The following KIF13B variants were observed in gnomAD, a reference collection of about 807,000 sequenced individuals.
KIF13B encodes the protein kinesin-like protein KIF13B.
Under a neutral mutation model 222.0 loss-of-function variants are expected in KIF13B, and 127 were observed. The ratio of observed to expected loss-of-function variants is 0.57; its 90% CI spans 0.50 to 0.66. The LOEUF is 0.66. Among genes scored for constraint, KIF13B ranks in the 30% least tolerant of loss-of-function variants. The pLI is 0.00. For synonymous variants in KIF13B, 976 were observed against 919.0 expected (o/e 1.06, Z -1.12); for missense variants, 2,173 against 2,379.0 (o/e 0.91, Z 1.80).
At chr8:29,184,606 T>C (rs886206636) in intron 6 of KIF13B, among the ~76,000 whole-genome samples, 4 of 152,238 alleles carry the variant, frequency 2.6e-5, no homozygotes, top group African/African-American at 9.6e-5. Flanking sequence ...AATTCACTGT[T>C]AATTACTGTA....
chr8:29,221,097 CTTT>C (rs60915605), intron 2 of KIF13B, among the ~76,000 whole-genome samples: 1 of 112,760 alleles, frequency 8.9e-6, no homozygotes, highest in African/African-American at 3.9e-5. Flanking sequence ...GAGCTGTGTT[CTTT>C]TTTTTTTTTT....
Position 29,072,269 on chromosome 8 carries a change from G to T in KIF13B, c.4569C>A (p.Ala1523=). 2.0e-6 allele frequency: 3 copies of T among 1,471,708 alleles called. No individual in the cohort carries two copies. Among genetic ancestry groups the T allele is most frequent in the Non-Finnish European group, 9.0e-7 (1 of 1,112,874 alleles). The allele number at this position is 1,471,708 out of a possible 1,614,324, so 91.2% of individuals were successfully genotyped here. Residue 1523 remains alanine (A), a synonymous_variant, in exon 39 of 40, where the codon GCC becomes GCA. Transcript: ENST00000524189. ...GPDVLVQTMG[A]PALKICDKPA... is the part of the protein sequence containing the mutation. ...GTTTGTCGCAGATCTTCAAGGCCGG[G>T]GCCCCCATCGTCTGCACCAGCACGT...
At chr8:29,101,844 C>T (rs1808800565) in intron 35 of KIF13B, among the ~76,000 whole-genome samples, 1 of 152,164 alleles carries the variant, frequency 6.6e-6, no homozygotes, top group Non-Finnish European at 1.5e-5. Flanking sequence ...AAACTGGGTA[C>T]CACGCGCTTC....
intron 2 of KIF13B, among the ~76,000 whole-genome samples, chr8:29,239,609 T>A (rs1363461103): frequency 6.6e-6 from 1 of 152,140 alleles, no homozygotes; most frequent in Non-Finnish European, 1.5e-5. Flanking sequence ...GATGGCAGGA[T>A]CAACAAAAGC....
At chr8:29,201,991 T>C (rs1404703460) in intron 2 of KIF13B, among the ~76,000 whole-genome samples, 2 of 152,218 alleles carry the variant, frequency 1.3e-5, no homozygotes, top group Non-Finnish European at 2.9e-5. Context: ...GAAGTACAAA[T>C]ATCACAAAAA....
intron 2 of KIF13B, among the ~76,000 whole-genome samples, chr8:29,217,286 T>C (rs1479701421): frequency 1.3e-5 from 2 of 152,184 alleles, no homozygotes; most frequent in Non-Finnish European, 2.9e-5. Context: ...CCATTTTCTC[T>C]TACAGCTTTA....
chr8:29,171,258 T>C (rs1279742899), intron 10 of KIF13B, among the ~76,000 whole-genome samples: 7 of 152,244 alleles, frequency 4.6e-5, no homozygotes, highest in Non-Finnish European at 1.0e-4. Flanking sequence ...TCTCCAGTGA[T>C]GACTCAGCGA....
chr8:29,206,956 A>G lies in KIF13B; in HGVS notation c.150-10757T>C, dbSNP rs117360397. On this transcript the variant is annotated intron_variant, in intron 2 of 39. Transcript: ENST00000524189. ...AGCAAGGGAGTGGGCCATGTGGCTG[A>G]TGGGGCACAACGCCACCCTGCTTCA... 1.7e-3 allele frequency among the ~76,000 whole-genome samples: 260 copies of G among 152,202 alleles called. 10 individuals carry two copies. In the East Asian group the frequency reaches 0.042, roughly 25 times the overall value.
intron 13 of KIF13B, among the ~76,000 whole-genome samples, chr8:29,156,795 A>G (rs1032013792): frequency 6.6e-6 from 1 of 151,706 alleles, no homozygotes; most frequent in Non-Finnish European, 1.5e-5. Context: ...TACTGGGATG[A>G]CATGTGTGAG....
At chr8:29,199,387 C>T (rs1427720894) in intron 2 of KIF13B, among the ~76,000 whole-genome samples, 1 of 151,926 alleles carries the variant, frequency 6.6e-6, no homozygotes, top group Non-Finnish European at 1.5e-5. Flanking sequence ...AAAGTCAACC[C>T]GTCTAGCACA....
intron 14 of KIF13B, among the ~76,000 whole-genome samples, chr8:29,155,404 TG>T (rs1193195199): frequency 6.6e-6 from 1 of 152,000 alleles, no homozygotes; most frequent in Admixed American, 6.6e-5. Context: ...GGAGATAAAC[TG>T]GGGGGTTATA....
chr8:29,206,148 G>A (rs1472858278), intron 2 of KIF13B, among the ~76,000 whole-genome samples: 1 of 151,990 alleles, frequency 6.6e-6, no homozygotes, highest in Non-Finnish European at 1.5e-5. Flanking sequence ...TGGGGATAGG[G>A]GCATGGTGGC....
At chr8:29,201,217 T>C (rs1290193314) in intron 2 of KIF13B, among the ~76,000 whole-genome samples, 1 of 152,222 alleles carries the variant, frequency 6.6e-6, no homozygotes, top group Non-Finnish European at 1.5e-5. Flanking sequence ...ATGAATGTGC[T>C]TTTTTGGAAG....
In KIF13B at chr8:29,092,759, G is replaced by T; in HGVS notation, c.4444C>A (p.Pro1482Thr). 1.9e-6 allele frequency: 3 copies of T among 1,612,870 alleles called. No individual in the cohort carries two copies. The highest frequency in any genetic ancestry group is 2.5e-6 in the Non-Finnish European group (3 of 1,179,584). ...RDEKRGKRPSPLAHQPVPRIM... is the reference protein window; with the variant it reads ...RDEKRGKRPSTLAHQPVPRIM... Reference sequence around the variant, plus strand: ...GTGCTTTTTACCTGGTGTGCGAGGGGAGACGGCCGCTTGCCCCTCTTCTCA... The same window carrying T: ...GTGCTTTTTACCTGGTGTGCGAGGGTAGACGGCCGCTTGCCCCTCTTCTCA... The change falls in exon 37 of 40, where the codon CCC becomes ACC. Residue 1482 changes from proline (P) to threonine (T), a missense_variant. Pro to Thr is a conservative substitution (Grantham distance 38). Around this residue, in one of 2 missense-constraint regions of KIF13B, gnomAD observed 693 missense variants for 656.2 expected, o/e 1.06. Transcript: ENST00000524189.
At chr8:29,116,294 C>G (rs1024259480) in intron 31 of KIF13B, among the ~76,000 whole-genome samples, 1 of 152,110 alleles carries the variant, frequency 6.6e-6, no homozygotes, top group Non-Finnish European at 1.5e-5. Flanking sequence ...ATGGCGAGAC[C>G]CCGTCTCCAT....
At chr8:29,262,888 G>C in intron 1 of KIF13B, 92 bp downstream of exon 1, 1 of 1,040,618 alleles carries the variant, frequency 9.6e-7, no homozygotes, top group Non-Finnish European at 1.3e-6. Context: ...CTATAGGGGC[G>C]GGGCCGCCGG....
In KIF13B at chr8:29,132,444, C is replaced by T. The variant is rs781018631; in HGVS notation, c.2806G>A (p.Glu936Lys). Residue 936 changes from glutamate to lysine, a missense_variant, in exon 23 of 40, where the codon GAA becomes AAA. By Grantham distance (56) the Glu-to-Lys change is moderately conservative (BLOSUM62 1). Coordinates refer to ENST00000524189, the MANE Select transcript of KIF13B (RefSeq NM_015254.4). ...HCNEFSVNIT[E>K]DFIEHLSEGA... is the part of the protein sequence containing the mutation. ...TCGGAAAGATGCTCGATAAAGTCTT[C>T]GGTGATGTTAACAGAAAACTCCTGA... The T allele has an allele frequency of 2.6e-6, 4 of 1,543,512 alleles. No individual in the cohort carries two copies. The highest frequency in any genetic ancestry group is 2.6e-6 in the Non-Finnish European group (3 of 1,143,724).
At chr8:29,234,175 A>C (rs1815405008) in intron 2 of KIF13B, among the ~76,000 whole-genome samples, 1 of 152,156 alleles carries the variant, frequency 6.6e-6, no homozygotes, top group Non-Finnish European at 1.5e-5. Context: ...GTCTATACCC[A>C]AAATAACTGA....
intron 1 of KIF13B, among the ~76,000 whole-genome samples, chr8:29,261,841 G>A (rs1373036747): frequency 2.6e-5 from 4 of 151,942 alleles, no homozygotes; most frequent in African/African-American, 7.3e-5. Context: ...TCCCCGAGAA[G>A]GACAAACCAA....
Sources: gnomAD v4.1 joint callset for allele counts (sites outside exome capture counted in the v4.1 genomes callset) on GRCh38, gnomAD v4.1.1 for gene constraint, gnomAD v4.1.1 regional missense constraint, MANE v1.5 for transcripts, NCBI Gene and HGNC (gene_info 2026-07-23, HGNC 2026-07-21) for gene names.